Variants in RBM27 observed in about 807,000 individuals in gnomAD.
The protein encoded by RBM27 is RNA binding motif protein 27.
RBM27 carries 22 observed loss-of-function variants against 135.3 expected under a neutral mutation model. The ratio of observed to expected loss-of-function variants is 0.16; its 90% CI spans 0.12 to 0.23. The LOEUF (loss-of-function observed/expected upper bound fraction) is 0.23, where lower values mean the gene tolerates loss of function less well. RBM27 is among the 10% of genes least tolerant of loss of function. RBM27 has a pLI of 1.00. For synonymous variants in RBM27, 481 were observed against 442.4 expected (o/e 1.09, Z -1.10); for missense variants, 1,009 against 1,281.0 (o/e 0.79, Z 3.24).
intron 14 of RBM27, among the ~76,000 whole-genome samples, chr5:146,266,811 C>G (rs1416056722): frequency 6.6e-6 from 1 of 152,076 alleles, no homozygotes; most frequent in East Asian, 1.9e-4. Flanking sequence ...CAGGCTCGCA[C>G]CTATAGCCCC....
At chr5:146,281,256 T>G (rs934050730) in intron 19 of RBM27, among the ~76,000 whole-genome samples, 1 of 152,204 alleles carries the variant, frequency 6.6e-6, no homozygotes, top group Non-Finnish European at 1.5e-5. Flanking sequence ...TGTTCCTAAG[T>G]GCAAGGCTGT....
intron 6 of RBM27, among the ~76,000 whole-genome samples, chr5:146,232,105 T>G (rs919344768): frequency 1.3e-5 from 2 of 152,196 alleles, no homozygotes; most frequent in African/African-American, 4.8e-5. Flanking sequence ...AGTGTATCCG[T>G]TACATCATTT....
intron 19 of RBM27, among the ~76,000 whole-genome samples, chr5:146,273,670 ACT>A (rs761335497): frequency 2.6e-5 from 4 of 152,022 alleles, no homozygotes; most frequent in Non-Finnish European, 5.9e-5. Context: ...ATAAAAGGAA[ACT>A]CTTCTTCAAG....
chr5:146,229,893 A>C lies in RBM27; in HGVS notation c.572A>C (p.Asp191Ala), dbSNP rs901332995. 6.2e-7 allele frequency: 1 copy of C among 1,613,942 alleles called. No homozygotes were observed. The highest frequency in any genetic ancestry group is 1.1e-5 in the South Asian group (1 of 91,068). ...AGTAGGGGGCGCAGCAAAGACCGGG[A>C]TCCAAATAGGAATGTTGGTGAGTAG... ...SRSRGRSKDR[D>A]PNRNVEHRER... is the part of the protein sequence containing the mutation. The change falls in exon 5 of 21, where the codon GAT (aspartate) becomes GCT (alanine). Residue 191 changes from aspartate to alanine, a missense_variant. By Grantham distance (126) the Asp-to-Ala change is moderately radical (BLOSUM62 -2). Coordinates refer to ENST00000265271, the MANE Select transcript of RBM27 (RefSeq NM_018989.2).
At chr5:146,207,168 A>G (rs549750626) in intron 1 of RBM27, among the ~76,000 whole-genome samples, 32 of 152,330 alleles carry the variant, frequency 2.1e-4, no homozygotes, top group African/African-American at 7.7e-4. Flanking sequence ...TTGAGATAGT[A>G]TAGTTGCACC....
chr5:146,226,164 G>C (rs996477283), intron 3 of RBM27, among the ~76,000 whole-genome samples: 8 of 151,472 alleles, frequency 5.3e-5, no homozygotes, highest in African/African-American at 1.9e-4. Flanking sequence ...CACTGCGCCA[G>C]GGCTGGAAGA....
At chr5:146,258,401 A>G (rs1452558757) in intron 10 of RBM27, 48 bp from the exon 11 acceptor site, 1 of 1,443,524 alleles carries the variant, frequency 6.9e-7, no homozygotes, top group African/African-American at 1.4e-5. Context: ...TATATTAATC[A>G]TTGAGACTCC....
chr5:146,235,172 G>A (rs556423398), intron 7 of RBM27, among the ~76,000 whole-genome samples: 319 of 151,994 alleles, frequency 2.1e-3, no homozygotes, highest in African/African-American at 7.4e-3. Flanking sequence ...AATAATTACA[G>A]ACTCAGTTAT....
In RBM27 at chr5:146,218,895, G is replaced by A. The variant is rs555590403; in HGVS notation, c.60-90G>A. On this transcript the variant is annotated intron_variant, in intron 1 of 20. Transcript: ENST00000265271. ...TTTTAGAATAGAGTTTTGATTTCTC[G>A]TTTTCCAAAATAAGGGTGACTTCAT... is the stretch of plus-strand genomic sequence containing the variant. 1,331 of 757,236 alleles carry A rather than the reference G, an allele frequency of 1.8e-3. 14 individuals are homozygous for A. Among genetic ancestry groups the A allele is most frequent in the Admixed American group, 2.8e-3 (93 of 33,008 alleles). The allele number at this position is 757,236 out of a possible 1,614,324, so 46.9% of individuals were successfully genotyped here.
chr5:146,232,616 AG>A (rs1206438129), intron 6 of RBM27, among the ~76,000 whole-genome samples: 2 of 151,558 alleles, frequency 1.3e-5, no homozygotes, highest in Non-Finnish European at 2.9e-5. Flanking sequence ...GTCACCAGGC[AG>A]GAGTGCAGTG....
chr5:146,242,633 G>T (rs1169751582), intron 8 of RBM27, among the ~76,000 whole-genome samples: 2 of 152,072 alleles, frequency 1.3e-5, no homozygotes, highest in African/African-American at 2.4e-5. Context: ...TTACTCTGTT[G>T]CCCAGGCTGG....
At chr5:146,215,974 C>T (rs746946145) in intron 1 of RBM27, among the ~76,000 whole-genome samples, 3 of 152,138 alleles carry the variant, frequency 2.0e-5, no homozygotes, top group Admixed American at 6.5e-5. Context: ...TGGTCTTGAA[C>T]TCCTGACCTC....
At chr5:146,276,753 C>G (rs2126900938) in intron 19 of RBM27, among the ~76,000 whole-genome samples, 1 of 152,186 alleles carries the variant, frequency 6.6e-6, no homozygotes, top group African/African-American at 2.4e-5. Flanking sequence ...TTCATCAGAC[C>G]TTGTTAAAAA....
chr5:146,250,086 TA>T (rs1313346165), intron 8 of RBM27, among the ~76,000 whole-genome samples: 1 of 152,188 alleles, frequency 6.6e-6, no homozygotes, highest in Non-Finnish European at 1.5e-5. Context: ...GGTTGCTTTG[TA>T]GCCTGTCCTA....
chr5:146,233,384 GT>G (rs1757019056), intron 6 of RBM27, 65 bp from the exon 7 acceptor site: 1 of 1,478,476 alleles, frequency 6.8e-7, no homozygotes, highest in Non-Finnish European at 9.0e-7. Context: ...TCAGGGACAT[GT>G]TTTGTTGTTT....
rs1759510452 is a variant in RBM27, at chr5:146,284,634, G to A, written c.3001G>A (p.Gly1001Arg). 6.2e-7 allele frequency: 1 copy of A among 1,611,732 alleles called. No homozygotes were observed. The highest frequency in any genetic ancestry group is 2.2e-5 in the East Asian group (1 of 44,790). ...LLQHFSTANQGPKFKDRRLQI... is the reference protein window; with the variant it reads ...LLQHFSTANQRPKFKDRRLQI... The stretch of plus-strand genomic sequence containing the variant: ...ATATATATTTTAGACCGCAAACCAA[G>A]GGCCAAAATTTAAAGACCGTCGGCT... Residue 1001 changes from glycine (G) to arginine (R), a missense_variant, in exon 20 of 21, where the codon GGG (glycine) becomes AGG (arginine). Around this residue, in one of 6 missense-constraint regions of RBM27, gnomAD observed 355 missense variants for 427.3 expected, o/e 0.83. Transcript: ENST00000265271.
At chr5:146,212,751 C>G (rs1358078674) in intron 1 of RBM27, among the ~76,000 whole-genome samples, 1 of 151,740 alleles carries the variant, frequency 6.6e-6, no homozygotes, top group Non-Finnish European at 1.5e-5. Flanking sequence ...GCTTTATTGC[C>G]CAGGCTGGAG....
chr5:146,222,060 A>G (rs1171862477), intron 2 of RBM27, among the ~76,000 whole-genome samples: 10 of 152,196 alleles, frequency 6.6e-5, no homozygotes, highest in Admixed American at 6.5e-4. Flanking sequence ...AGAAAATAAC[A>G]TGTTATAAAT....
intron 2 of RBM27, among the ~76,000 whole-genome samples, chr5:146,219,729 G>T (rs1269978426): frequency 6.6e-6 from 1 of 151,962 alleles, no homozygotes; most frequent in African/African-American, 2.4e-5. Context: ...CCTGAAACAT[G>T]GATTCTTCTC....
Sources: gnomAD v4.1 joint callset for allele counts (sites outside exome capture counted in the v4.1 genomes callset) on GRCh38, gnomAD v4.1.1 for gene constraint, gnomAD v4.1.1 regional missense constraint, MANE v1.5 for transcripts, NCBI Gene and HGNC (gene_info 2026-07-23, HGNC 2026-07-21) for gene names.